The following NRCAM variants were observed in gnomAD, a reference collection of about 807,000 sequenced individuals.
NRCAM encodes neuronal cell adhesion molecule.
In NRCAM, 83 loss-of-function variants were observed where a neutral mutation model predicts 156.5. The observed-to-expected ratio is 0.53, with a 90% CI of 0.44 to 0.64. NRCAM has a LOEUF of 0.64. Among genes scored for constraint, NRCAM ranks in the 30% least tolerant of loss-of-function variants. The pLI is 0.00. For missense variants in NRCAM, 1,417 were observed against 1,597.3 expected, an observed-to-expected ratio of 0.89 and a Z score of 1.92; for synonymous variants, 538 against 563.9, an observed-to-expected ratio of 0.95 and a Z score of 0.65.
intron 14 of NRCAM, among the ~76,000 whole-genome samples, chr7:108,197,050 G>T (rs538950779): frequency 3.3e-5 from 5 of 152,050 alleles, no homozygotes; most frequent in Admixed American, 1.3e-4. Context: ...CCTTCATGTC[G>T]TTCATGTCAT....
intron 1 of NRCAM, among the ~76,000 whole-genome samples, chr7:108,450,151 A>T (rs1848656879): frequency 6.6e-6 from 1 of 152,124 alleles, no homozygotes; most frequent in Admixed American, 6.5e-5. Context: ...GAGAGCACAT[A>T]ATACAAGTAA....
chr7:108,214,916 A>C (rs1448254534), intron 11 of NRCAM, among the ~76,000 whole-genome samples: 4 of 152,186 alleles, frequency 2.6e-5, no homozygotes, highest in Admixed American at 6.5e-5. Context: ...GTTTTGAATG[A>C]GTTTCTCAAT....
intron 3 of NRCAM, among the ~76,000 whole-genome samples, chr7:108,248,720 T>C (rs1463187477): frequency 6.6e-6 from 1 of 152,116 alleles, no homozygotes; most frequent in African/African-American, 2.4e-5. Flanking sequence ...CAACCAGAAG[T>C]GATGCACACA....
intron 1 of NRCAM, among the ~76,000 whole-genome samples, chr7:108,439,504 G>C (rs929461869): frequency 6.6e-6 from 1 of 152,154 alleles, no homozygotes; most frequent in African/African-American, 2.4e-5. Context: ...CATTAGGGGA[G>C]TGCAAGTAAA....
At chr7:108,249,906 C>G (rs879713597) in intron 3 of NRCAM, among the ~76,000 whole-genome samples, 3 of 152,148 alleles carry the variant, frequency 2.0e-5, no homozygotes, top group Non-Finnish European at 4.4e-5. Context: ...TCAAAGAGCA[C>G]TTTAGGTAGA....
At chr7:108,327,832 C>T (rs917342025) in intron 2 of NRCAM, among the ~76,000 whole-genome samples, 1 of 152,154 alleles carries the variant, frequency 6.6e-6, no homozygotes, top group Admixed American at 6.5e-5. Flanking sequence ...GTAGATTCTG[C>T]TTTTAATCAA....
At chr7:108,233,975 T>C (rs946031682) in intron 6 of NRCAM, among the ~76,000 whole-genome samples, 3 of 152,214 alleles carry the variant, frequency 2.0e-5, no homozygotes, top group African/African-American at 7.2e-5. Context: ...AACTCTAAAA[T>C]GCTTTGCAGT....
At chr7:108,317,601 C>T (rs144146791) in intron 2 of NRCAM, among the ~76,000 whole-genome samples, 256 of 152,042 alleles carry the variant, frequency 1.7e-3, no homozygotes, top group African/African-American at 5.7e-3. Flanking sequence ...AAACTAATAC[C>T]GTATCTAAGA....
At chr7:108,413,848 T>C (rs768984696) in intron 1 of NRCAM, among the ~76,000 whole-genome samples, 31 of 152,204 alleles carry the variant, frequency 2.0e-4, no homozygotes, top group Non-Finnish European at 3.5e-4. Context: ...GGCTGCTTGC[T>C]CAGTGTAAAG....
chr7:108,389,129 A>G (rs1473658576), intron 2 of NRCAM, among the ~76,000 whole-genome samples: 1 of 152,172 alleles, frequency 6.6e-6, no homozygotes, highest in Non-Finnish European at 1.5e-5. Flanking sequence ...GATGGCATTG[A>G]ATCTATAAAT....
intron 2 of NRCAM, among the ~76,000 whole-genome samples, chr7:108,334,082 C>T (rs2099154250): frequency 6.6e-6 from 1 of 152,116 alleles, no homozygotes; most frequent in South Asian, 2.1e-4. Flanking sequence ...ACACAATATT[C>T]CACTGAAATG....
At chr7:108,417,329 T>A (rs1802815294) in intron 1 of NRCAM, among the ~76,000 whole-genome samples, 1 of 152,160 alleles carries the variant, frequency 6.6e-6, no homozygotes, top group Admixed American at 6.6e-5. Context: ...GGTGCAGACA[T>A]CTGGTGACGA....
intron 2 of NRCAM, among the ~76,000 whole-genome samples, chr7:108,349,273 C>CTT (rs1334000460): frequency 3.5e-5 from 5 of 144,330 alleles, no homozygotes; most frequent in Non-Finnish European, 7.6e-5. Flanking sequence ...GTTATGAACT[C>CTT]TTTTTTTTTT....
intron 2 of NRCAM, among the ~76,000 whole-genome samples, chr7:108,346,489 GGTTA>G (rs2099355411): frequency 6.6e-6 from 1 of 152,072 alleles, no homozygotes; most frequent in Admixed American, 6.5e-5. Context: ...CTCACTACAT[GGTTA>G]ATTAGCTGGT....
At chr7:108,277,632 T>C (rs890107809) in intron 3 of NRCAM, among the ~76,000 whole-genome samples, 3 of 152,110 alleles carry the variant, frequency 2.0e-5, no homozygotes, top group African/African-American at 7.2e-5. Flanking sequence ...AGTTAGCCAT[T>C]CATCTAAGCT....
intron 3 of NRCAM, among the ~76,000 whole-genome samples, chr7:108,241,299 G>A (rs1309803363): frequency 1.3e-5 from 2 of 152,138 alleles, no homozygotes; most frequent in South Asian, 4.1e-4. Flanking sequence ...TTGCATATTG[G>A]AAGTGTCCAT....
chr7:108,232,109 G>A (rs945888818), intron 7 of NRCAM, among the ~76,000 whole-genome samples: 1 of 151,898 alleles, frequency 6.6e-6, no homozygotes, highest in Non-Finnish European at 1.5e-5. Context: ...GTCTTACACA[G>A]GACTTCTGTA....
chr7:108,299,734 C>T (rs1327057077), intron 3 of NRCAM, among the ~76,000 whole-genome samples: 1 of 152,170 alleles, frequency 6.6e-6, no homozygotes, highest in African/African-American at 2.4e-5. Context: ...ACATACAGCA[C>T]ATTGACCAGA....
At chr7:108,320,550 CAA>C (rs895875949) in intron 2 of NRCAM, among the ~76,000 whole-genome samples, 5 of 138,782 alleles carry the variant, frequency 3.6e-5, no homozygotes, top group Admixed American at 7.2e-5. Flanking sequence ...GCAAGACTGT[CAA>C]AAAAAAAAAG....
Sources: allele counts gnomAD v4.1 joint callset (sites outside exome capture counted in the v4.1 genomes callset), GRCh38; gene constraint gnomAD v4.1.1; transcripts MANE v1.5; gene names NCBI Gene and HGNC (gene_info 2026-07-23, HGNC 2026-07-21).